PPFIBP2: variants seen among roughly 807,000 people sequenced by gnomAD.
The protein encoded by PPFIBP2 is PPFIB scaffold protein 2, also known as liprin-beta-2.
Under a neutral mutation model 118.3 loss-of-function variants are expected in PPFIBP2, and 118 were observed. That is an observed-to-expected ratio of 1.00 (90% CI 0.86 to 1.16). The LOEUF is 1.16. PPFIBP2 is among the 50% of genes most tolerant of loss of function. The pLI is 0.00. For missense variants in PPFIBP2, 1,195 were observed against 1,073.1 expected (o/e 1.11, Z -1.59); for synonymous variants, 414 against 397.4 (o/e 1.04, Z -0.50).
chr11:7,522,211 C>G (rs1293575286), intron 1 of PPFIBP2, among the ~76,000 whole-genome samples: 1 of 152,060 alleles, frequency 6.6e-6, no homozygotes, highest in Non-Finnish European at 1.5e-5. Context: ...GGCAAGTGAC[C>G]ATGCCAAGAA....
At chr11:7,609,676 A>G (rs1308055344) in intron 5 of PPFIBP2, among the ~76,000 whole-genome samples, 2 of 152,226 alleles carry the variant, frequency 1.3e-5, no homozygotes, top group African/African-American at 2.4e-5. Flanking sequence ...ACAATTGGGA[A>G]AGAACAATCT....
intron 15 of PPFIBP2, chr11:7,641,108 T>A (rs1329044894): frequency 4.9e-6 from 6 of 1,234,682 alleles, no homozygotes; most frequent in Non-Finnish European, 6.4e-6. Flanking sequence ...GAGAATGCCT[T>A]TGTTTCCCTA....
downstream of PPFIBP2, among the ~76,000 whole-genome samples, chr11:7,654,420 C>T (rs36036485): frequency 0.036 from 5,532 of 152,348 alleles, 160 homozygotes; most frequent in Non-Finnish European, 0.048. Flanking sequence ...AAGAGTAACA[C>T]CACGTCACCG....
intron 1 of PPFIBP2, chr11:7,539,285 G>A (rs1247329932): frequency 6.6e-6 from 1 of 152,434 alleles, no homozygotes; most frequent in East Asian, 1.9e-4. Context: ...CCTCTGTCCT[G>A]AGGGAAATTT....
the PPFIBP2 span, among the ~76,000 whole-genome samples, chr11:7,663,648 G>A: frequency 1.3e-5 from 2 of 152,232 alleles, no homozygotes; most frequent in African/African-American, 4.8e-5. Flanking sequence ...GAGGCAGGCA[G>A]GCCTCCTTGA....
intron 3 of PPFIBP2, among the ~76,000 whole-genome samples, chr11:7,569,859 C>T (rs544175314): frequency 3.9e-5 from 6 of 152,276 alleles, no homozygotes; most frequent in Admixed American, 1.3e-4. Context: ...TCCTCCTTCT[C>T]TGTTTACTAT....
At chr11:7,641,152 G>A in intron 15 of PPFIBP2, 1 of 1,134,214 alleles carries the variant, frequency 8.8e-7, no homozygotes, top group East Asian at 5.1e-5. Context: ...ACTCAGCCAG[G>A]GACCCACTAC....
At position 7,561,355 on chromosome 11, in the gene PPFIBP2, C is replaced by G. The variant is rs142600018; in HGVS notation, c.65-4198C>G. Among the ~76,000 whole-genome samples, 864 of 152,320 alleles carry G rather than the reference C, an allele frequency of 5.7e-3. 8 individuals carry two copies. Among genetic ancestry groups the G allele is most frequent in the African/African-American group, 0.02 (826 of 41,572 alleles). On this transcript the variant is annotated intron_variant, in intron 2 of 23. Coordinates refer to ENST00000299492, the MANE Select transcript of PPFIBP2 (RefSeq NM_003621.5). ...TACTAGGATTACAGGCGTGAGCCAC[C>G]ATGCCTGGCCTACAAGTAGGTTTTT...
In PPFIBP2 at chr11:7,643,999, T is replaced by C. The variant is rs540759796; in HGVS notation, c.1646+1573T>C. Among the ~76,000 whole-genome samples the C allele has an allele frequency of 2.0e-5, 3 of 152,310 alleles. No individual in the cohort carries two copies. In the East Asian group the frequency reaches 5.8e-4, roughly 29 times the overall value. On this transcript the variant is annotated intron_variant, in intron 17 of 23. Coordinates refer to ENST00000299492, the MANE Select transcript of PPFIBP2 (RefSeq NM_003621.5). ...TCCTTGTCAGCATTGAGTAGTTAAA[T>C]TTTTCTTTTTCAAAGTTTTCTACTT...
chr11:7,658,561 GT>G, downstream of PPFIBP2, among the ~76,000 whole-genome samples: 1 of 66,496 alleles, frequency 1.5e-5, no homozygotes, highest in African/African-American at 7.0e-5. Context: ...GGACATTTGG[GT>G]TGGTTCCAAG....
At chr11:7,519,462 T>G (rs1439983826) in intron 1 of PPFIBP2, among the ~76,000 whole-genome samples, 1 of 152,178 alleles carries the variant, frequency 6.6e-6, no homozygotes, top group Non-Finnish European at 1.5e-5. Context: ...AACTGTAAAG[T>G]CGAATGTTTC....
intron 5 of PPFIBP2, among the ~76,000 whole-genome samples, chr11:7,609,231 G>A (rs977678023): frequency 1.3e-5 from 2 of 152,196 alleles, no homozygotes; most frequent in Non-Finnish European, 2.9e-5. Context: ...TGTTGAGATT[G>A]CCATTCTTGT....
intron 2 of PPFIBP2, among the ~76,000 whole-genome samples, chr11:7,562,750 A>T (rs1198029003): frequency 6.6e-6 from 1 of 151,230 alleles, no homozygotes; most frequent in East Asian, 1.9e-4. Flanking sequence ...ACCTTATCTG[A>T]TTCTTAAATT....
intron 3 of PPFIBP2, among the ~76,000 whole-genome samples, chr11:7,575,323 G>T (rs1856158592): frequency 6.6e-6 from 1 of 152,232 alleles, no homozygotes; most frequent in Non-Finnish European, 1.5e-5. Flanking sequence ...CAGTGATGAA[G>T]TAGAGAGGGG....
At chr11:7,656,013 C>T (rs1854652574), downstream of PPFIBP2, among the ~76,000 whole-genome samples, 1 of 152,156 alleles carries the variant, frequency 6.6e-6, no homozygotes, top group South Asian at 2.1e-4. Context: ...AGTTTGGCCT[C>T]GAAAAGCAGC....
chr11:7,577,490 G>C (rs924637197), intron 3 of PPFIBP2: 11 of 445,892 alleles, frequency 2.5e-5, no homozygotes, highest in Admixed American at 7.2e-5. Flanking sequence ...GAGTTCTTGA[G>C]GGGGGAGGGG....
At chr11:7,538,369 C>T (rs1312872419) in intron 1 of PPFIBP2, 1 of 152,616 alleles carries the variant, frequency 6.6e-6, no homozygotes, top group African/African-American at 2.4e-5. Flanking sequence ...GTCTCAGTGC[C>T]TGTTGCTGCT....
At chr11:7,657,121 G>A (rs1265148392), downstream of PPFIBP2, 1 of 241,718 alleles carries the variant, frequency 4.1e-6, no homozygotes, top group Non-Finnish European at 8.4e-6. Context: ...TATTCCTGGT[G>A]ACAGCCTGGA....
Position 7,537,906 on chromosome 11 carries a change from C to A in PPFIBP2, c.-36-11534C>A, listed in dbSNP as rs113916588. 9.8e-3 allele frequency among the ~76,000 whole-genome samples: 1,488 copies of A among 152,304 alleles called. 11 individuals are homozygous for A. The highest frequency in any genetic ancestry group is 0.024 in the Middle Eastern group (7 of 294). On this transcript the variant is annotated intron_variant, in intron 1 of 23. Transcript: ENST00000299492. ...CTCCCCAAACCATTCTCTGACAGAC[C>A]TGGCATTAAGGCATGGCCTTGGTTG...
Sources: allele counts gnomAD v4.1 joint callset (sites outside exome capture counted in the v4.1 genomes callset), GRCh38; gene constraint gnomAD v4.1.1; transcripts MANE v1.5; gene names NCBI Gene and HGNC (gene_info 2026-07-23, HGNC 2026-07-21).